ZFYVE26: variants seen among roughly 807,000 people sequenced by gnomAD.
ZFYVE26 encodes zinc finger FYVE domain-containing protein 26.
A neutral mutation model predicts 276.5 loss-of-function variants in ZFYVE26; 181 were observed. The observed-to-expected ratio is 0.65, with a 90% CI of 0.58 to 0.74. The LOEUF is 0.74. Ranked by LOEUF, ZFYVE26 falls within the 30% of genes least tolerant of loss-of-function variation. ZFYVE26 has a pLI of 0.00. For missense variants in ZFYVE26, 2,821 were observed against 3,097.9 expected (o/e 0.91, Z 2.12); for synonymous variants, 1,129 against 1,203.1 (o/e 0.94, Z 1.27).
chr14:67,797,688 T>C lies in ZFYVE26; in HGVS notation c.2316A>G (p.Thr772=), dbSNP rs774998676. The C allele has an allele frequency of 1.9e-6, 3 of 1,614,096 alleles. No homozygotes were observed. Among genetic ancestry groups the C allele is most frequent in the Non-Finnish European group, 2.5e-6 (3 of 1,180,050 alleles). The change falls in exon 12 of 42, where the codon ACA becomes ACG. Residue 772 remains threonine, a synonymous_variant. Transcript: ENST00000347230. ...TCAGATTACCTGCCTGGCTCCTTCT[T>C]GTCCGACGACCCCGGCGGAGACTGG... ...RHPSLRRGRR[T]RRSQADGRDR... is the part of the protein sequence containing the mutation.
intron 14 of ZFYVE26, 132 bp downstream of exon 14, chr14:67,793,476 C>T: frequency 1.0e-6 from 1 of 1,004,182 alleles, no homozygotes; most frequent in Non-Finnish European, 1.5e-6. Flanking sequence ...CACATGGAAA[C>T]CCCCTCTTGC....
rs766613150 is a variant in ZFYVE26 at position 67,807,352 on chromosome 14, T to G, written c.886+46A>C. 9 of 1,612,640 alleles carry G rather than the reference T, an allele frequency of 5.6e-6. No individual in the cohort carries two copies. In the Admixed American group the frequency reaches 1.2e-4, roughly 21 times the overall value. On this transcript the variant is annotated intron_variant, in intron 5 of 41. Transcript: ENST00000347230. ...CTAGAGCCTCCAGCAAGGCTGGGCA[T>G]ACTGGAATTACTGAAACTAAAGGAG...
intron 13 of ZFYVE26, among the ~76,000 whole-genome samples, chr14:67,731,137 T>A (rs1487226328): frequency 2.6e-5 from 4 of 151,940 alleles, no homozygotes; most frequent in Non-Finnish European, 5.9e-5. Context: ...ACATTTTAAA[T>A]GTAGCTGCTA....
chr14:67,781,366 C>A lies in ZFYVE26; in HGVS notation c.4536G>T (p.Gln1512His), dbSNP rs1367529369. 1 of 1,614,214 alleles carries A rather than the reference C, an allele frequency of 6.2e-7. No homozygotes were observed. Among genetic ancestry groups the A allele is most frequent in the Admixed American group, 1.7e-5 (1 of 60,028 alleles). The change falls in exon 22 of 42, where the codon CAG becomes CAT. Residue 1512 changes from glutamine to histidine, a missense_variant. Transcript: ENST00000347230. ...AVQEGLKCEL[Q>H]RKLAELQVYQ... is the part of the protein sequence containing the mutation. ...ACACCTGCAGCTCCGCCAGCTTCCT[C>A]TGTAGCTCACACTTTAGTCCTTCTT...
At chr14:67,804,615 A>C (rs985183452) in intron 8 of ZFYVE26, among the ~76,000 whole-genome samples, 2 of 152,276 alleles carry the variant, frequency 1.3e-5, no homozygotes, top group South Asian at 2.1e-4. Context: ...GCCCCTTGCT[A>C]CTTCCCCCTC....
chr14:67,738,273 A>T (rs1594872177), intron 13 of ZFYVE26, among the ~76,000 whole-genome samples: 1 of 151,006 alleles, frequency 6.6e-6, no homozygotes, highest in East Asian at 1.9e-4. Context: ...AAAGTCCATC[A>T]GTTGGCGAAA....
At chr14:67,775,180 G>T (rs1000819528) in intron 26 of ZFYVE26, 66 bp from the exon 27 acceptor site, 91 of 1,134,314 alleles carry the variant, frequency 8.0e-5, no homozygotes, top group Non-Finnish European at 1.1e-4. Context: ...ACCACCCTAG[G>T]CATTTAGAAC....
At chr14:67,748,781 T>C in intron 41 of ZFYVE26, 142 bp from the exon 42 acceptor site, 1 of 836,584 alleles carries the variant, frequency 1.2e-6, no homozygotes, top group Non-Finnish European at 2.0e-6. Flanking sequence ...TTTTATGGTA[T>C]TATAACAACT....
At chr14:67,787,206 T>A (rs2039682207) in intron 16 of ZFYVE26, among the ~76,000 whole-genome samples, 1 of 151,886 alleles carries the variant, frequency 6.6e-6, no homozygotes, top group Non-Finnish European at 1.5e-5. Flanking sequence ...TAGCTGGGCG[T>A]GGTGGCACAC....
In ZFYVE26 at chr14:67,766,433, G is replaced by A; in HGVS notation, c.5805C>T (p.Ser1935=). The change falls in exon 32 of 42, where the codon TCC becomes TCT. Residue 1935 remains serine (S), a synonymous_variant. Transcript: ENST00000347230. The part of the protein sequence containing the change: ...EFYYEQAPSA[S]LCIAILNLHR... ...GCAGATTCAGGATGGCAATGCACAA[G>A]GAGGCGCTGGGGGCCTGGCCGGGGT... 6.2e-7 allele frequency: 1 copy of A among 1,612,248 alleles called. No homozygotes were observed. Among genetic ancestry groups the A allele is most frequent in the Non-Finnish European group, 8.5e-7 (1 of 1,179,950 alleles).
chr14:67,809,803 G>A (rs1348583644), intron 3 of ZFYVE26, among the ~76,000 whole-genome samples: 1 of 50,180 alleles, frequency 2.0e-5, no homozygotes, highest in Admixed American at 2.0e-4. Flanking sequence ...TTTTTTTTTT[G>A]AGATAGAGTC....
At chr14:67,774,746 A>G (rs761832339) in intron 27 of ZFYVE26, among the ~76,000 whole-genome samples, 4 of 152,240 alleles carry the variant, frequency 2.6e-5, no homozygotes, top group African/African-American at 4.8e-5. Flanking sequence ...ATACGTGTAT[A>G]CATGTACACA....
intron 6 of ZFYVE26, 89 bp from the exon 7 acceptor site, chr14:67,805,707 T>C: frequency 4.8e-6 from 7 of 1,454,970 alleles, no homozygotes; most frequent in South Asian, 4.6e-5. Flanking sequence ...AGAAGTATTT[T>C]AGTACAGCAG....
chr14:67,739,673 G>A (rs1284127660), intron 13 of ZFYVE26, among the ~76,000 whole-genome samples: 1 of 151,840 alleles, frequency 6.6e-6, no homozygotes, highest in Non-Finnish European at 1.5e-5. Flanking sequence ...ATCTTCCATT[G>A]ATTTCTGAAT....
intron 23 of ZFYVE26, among the ~76,000 whole-genome samples, chr14:67,779,291 T>C (rs572019414): frequency 3.5e-4 from 53 of 152,316 alleles, no homozygotes; most frequent in Middle Eastern, 3.4e-3. Flanking sequence ...GGCCAGGTGC[T>C]GTAGCTCATG....
At position 67,752,350 on chromosome 14, in the gene ZFYVE26, C is replaced by T. The variant is rs766261905; in HGVS notation, c.7365G>A (p.Pro2455=). The change falls in exon 40 of 42, where the codon CCG becomes CCA. Residue 2455 remains proline (P), a synonymous_variant. Coordinates refer to ENST00000347230, the MANE Select transcript of ZFYVE26 (RefSeq NM_015346.4). ...GGTACGGGAGGGAGTGTACCTGGGG[C>T]GGAATTCTCTTGAACGCTTCCAGGC... ...LNCLEAFKRI[P]PQELEGLIQA... is the part of the protein sequence containing the mutation. The T allele has an allele frequency of 7.5e-6, 12 of 1,609,474 alleles. No individual in the cohort carries two copies. Among genetic ancestry groups the T allele is most frequent in the African/African-American group, 5.3e-5 (4 of 74,814 alleles).
chr14:67,774,931 C>CAAAAA, intron 27 of ZFYVE26, 85 bp downstream of exon 27: 19 of 809,530 alleles, frequency 2.3e-5, no homozygotes, highest in Non-Finnish European at 2.5e-5. Flanking sequence ...AAAAAAGAAG[C>CAAAAA]AAAAAAAAAA....
chr14:67,772,398 T>C (rs1392536178), intron 27 of ZFYVE26, among the ~76,000 whole-genome samples, 188 bp from the exon 28 acceptor site: 5 of 152,220 alleles, frequency 3.3e-5, no homozygotes, highest in African/African-American at 1.2e-4. Flanking sequence ...CTGATGGATG[T>C]GTACACCACC....
chr14:67,814,636 T>C (rs780429396), intron 2 of ZFYVE26, among the ~76,000 whole-genome samples: 5 of 152,164 alleles, frequency 3.3e-5, no homozygotes, highest in African/African-American at 1.2e-4. Flanking sequence ...TAAAATAAAA[T>C]AATATTCGAG....
Sources: gnomAD v4.1 joint callset for allele counts (sites outside exome capture counted in the v4.1 genomes callset) on GRCh38, gnomAD v4.1.1 for gene constraint, MANE v1.5 for transcripts, NCBI Gene and HGNC (gene_info 2026-07-23, HGNC 2026-07-21) for gene names.